CLVS1: variants seen among roughly 807,000 people sequenced by gnomAD.
CLVS1 encodes clavesin-1.
In CLVS1, 10 loss-of-function variants were observed where a neutral mutation model predicts 33.1. The observed-to-expected ratio is 0.30, with a 90% CI of 0.19 to 0.51. The LOEUF is 0.51. CLVS1 is among the 20% of genes least tolerant of loss of function. CLVS1 has a pLI of 0.97. For missense variants in CLVS1, 343 were observed against 433.4 expected, an observed-to-expected ratio of 0.79 and a Z score of 1.85; for synonymous variants, 163 against 166.1, an observed-to-expected ratio of 0.98 and a Z score of 0.14.
the CLVS1 span, among the ~76,000 whole-genome samples, chr8:61,047,506 G>A: frequency 0.2 from 29,738 of 152,018 alleles, 3,961 homozygotes; most frequent in African/African-American, 0.38. Context: ...TGTTTATTGC[G>A]GCACTATTCA....
chr8:61,402,270 C>G (rs191691047), intron 3 of CLVS1, among the ~76,000 whole-genome samples: 1 of 151,982 alleles, frequency 6.6e-6, no homozygotes, highest in East Asian at 1.9e-4. Flanking sequence ...AATTAAAAGG[C>G]ATGTCAAGCA....
the CLVS1 span, among the ~76,000 whole-genome samples, chr8:61,013,059 T>C: frequency 1.0e-3 from 154 of 152,280 alleles, no homozygotes; most frequent in Non-Finnish European, 1.8e-3. Context: ...GAGGCCCTCC[T>C]GCTACCAACA....
chr8:61,200,418 G>A (rs535058955), intron 2 of CLVS1, among the ~76,000 whole-genome samples: 7 of 152,298 alleles, frequency 4.6e-5, no homozygotes, highest in African/African-American at 1.7e-4. Context: ...ACCACGGCCA[G>A]CCTACACTTA....
At chr8:61,323,519 T>G (rs1452230518) in intron 2 of CLVS1, among the ~76,000 whole-genome samples, 1 of 152,174 alleles carries the variant, frequency 6.6e-6, no homozygotes, top group Admixed American at 6.5e-5. Context: ...ACTTCTCTCA[T>G]ATGCAAAATA....
chr8:61,272,899 A>T (rs958597131), intron 2 of CLVS1, among the ~76,000 whole-genome samples: 38 of 150,490 alleles, frequency 2.5e-4, no homozygotes, highest in Non-Finnish European at 4.3e-4. Flanking sequence ...ATTCTTCTAA[A>T]TTTTTTTCAA....
At chr8:60,982,382 G>A in the CLVS1 span, among the ~76,000 whole-genome samples, 12 of 152,286 alleles carry the variant, frequency 7.9e-5, no homozygotes, top group South Asian at 2.3e-3. Flanking sequence ...GTTGACTGAA[G>A]CACAAATAGA....
chr8:61,189,666 G>T (rs1807423675), intron 2 of CLVS1, among the ~76,000 whole-genome samples: 1 of 152,126 alleles, frequency 6.6e-6, no homozygotes, highest in Admixed American at 6.5e-5. Flanking sequence ...CAAAATAAAG[G>T]GATGGAGGAA....
At chr8:61,007,297 A>G in the CLVS1 span, among the ~76,000 whole-genome samples, 1 of 152,246 alleles carries the variant, frequency 6.6e-6, no homozygotes, top group Non-Finnish European at 1.5e-5. Flanking sequence ...ATAGTAGCAG[A>G]TACCAGATTG....
At chr8:61,046,629 T>G in the CLVS1 span, among the ~76,000 whole-genome samples, 3 of 151,768 alleles carry the variant, frequency 2.0e-5, no homozygotes, top group Non-Finnish European at 4.4e-5. Flanking sequence ...GAGCATGGAA[T>G]GTTCTTCCAT....
chr8:61,297,930 A>G (rs1208998097), intron 1 of CLVS1, among the ~76,000 whole-genome samples: 1 of 152,216 alleles, frequency 6.6e-6, no homozygotes, highest in Non-Finnish European at 1.5e-5. Flanking sequence ...AAGTTTGTTT[A>G]TTGGATGTAG....
intron 2 of CLVS1, among the ~76,000 whole-genome samples, chr8:61,218,152 A>G (rs1040359817): frequency 2.6e-5 from 4 of 152,208 alleles, no homozygotes; most frequent in African/African-American, 9.6e-5. Context: ...ACTACTGGGA[A>G]TTTATCCAAA....
At chr8:61,002,054 C>A in the CLVS1 span, among the ~76,000 whole-genome samples, 1 of 152,116 alleles carries the variant, frequency 6.6e-6, no homozygotes, top group Non-Finnish European at 1.5e-5. Flanking sequence ...TCTTGGTTCA[C>A]TGCAGCCTCC....
chr8:61,261,011 T>C (rs1230573762), intron 2 of CLVS1, among the ~76,000 whole-genome samples: 1 of 152,210 alleles, frequency 6.6e-6, no homozygotes, highest in African/African-American at 2.4e-5. Flanking sequence ...GTGGGAGTGT[T>C]AGACCTCAGA....
At chr8:61,305,244 T>A (rs933648846) in intron 2 of CLVS1, among the ~76,000 whole-genome samples, 4 of 152,034 alleles carry the variant, frequency 2.6e-5, no homozygotes, top group Admixed American at 2.0e-4. Context: ...TATATATATA[T>A]AATTTAATAT....
intron 2 of CLVS1, among the ~76,000 whole-genome samples, chr8:61,232,979 T>A (rs539768232): frequency 3.3e-5 from 5 of 152,342 alleles, no homozygotes; most frequent in African/African-American, 1.2e-4. Flanking sequence ...TATAACCATA[T>A]AAAATTTAGT....
intron 2 of CLVS1, among the ~76,000 whole-genome samples, chr8:61,268,767 GTGATGATGAGCATTTTTTCATGTGTTTT>G (rs1414540967): frequency 8.7e-6 from 1 of 115,554 alleles, no homozygotes; most frequent in African/African-American, 3.3e-5. Context: ...CTGATGGCCA[GTGATGATGAGCATTTTTTCATGTGTTTT>G]TTGGCTGCAT....
intron 5 of CLVS1, among the ~76,000 whole-genome samples, chr8:61,485,038 G>T (rs139440968): frequency 0.087 from 13,224 of 152,178 alleles, 667 homozygotes; most frequent in Non-Finnish European, 0.12. Flanking sequence ...GCATGGGCAA[G>T]GACTTCTTGA....
chr8:60,976,961 G>A, the CLVS1 span, among the ~76,000 whole-genome samples: 7 of 152,218 alleles, frequency 4.6e-5, no homozygotes, highest in African/African-American at 1.4e-4. Context: ...AGCAGCTCCC[G>A]AGGGGATTTA....
intron 2 of CLVS1, among the ~76,000 whole-genome samples, chr8:61,162,517 TTC>T (rs1806773453): frequency 6.6e-6 from 1 of 152,238 alleles, no homozygotes; most frequent in African/African-American, 2.4e-5. Flanking sequence ...AGACTCCTCG[TTC>T]TCTGTCTATG....
Sources: allele counts gnomAD v4.1 joint callset (sites outside exome capture counted in the v4.1 genomes callset), GRCh38; gene constraint gnomAD v4.1.1; transcripts MANE v1.5; gene names NCBI Gene and HGNC (gene_info 2026-07-23, HGNC 2026-07-21).